PIP5K1B: variants seen among roughly 807,000 people sequenced by gnomAD.
PIP5K1B encodes phosphatidylinositol 4-phosphate 5-kinase type-1 beta.
Under a neutral mutation model 67.0 loss-of-function variants are expected in PIP5K1B, and 42 were observed. That is an observed-to-expected ratio of 0.63 (90% CI 0.49 to 0.81). PIP5K1B has a LOEUF of 0.81. Ranked by LOEUF, PIP5K1B falls within the 30% of genes least tolerant of loss-of-function variation. The pLI, the probability that PIP5K1B is intolerant of heterozygous loss-of-function variation, is 0.00. For missense variants in PIP5K1B, 459 were observed against 646.3 expected (o/e 0.71, Z 3.14); for synonymous variants, 214 against 231.4 (o/e 0.92, Z 0.68).
chr9:68,950,686 G>T (rs1292395564), intron 14 of PIP5K1B, among the ~76,000 whole-genome samples: 2 of 152,158 alleles, frequency 1.3e-5, no homozygotes, highest in African/African-American at 4.8e-5. Flanking sequence ...TGGGGGGTCT[G>T]CAAGAATCCC....
chr9:69,002,877 G>A (rs149646008), intron 15 of PIP5K1B, among the ~76,000 whole-genome samples: 95 of 152,318 alleles, frequency 6.2e-4, no homozygotes, highest in South Asian at 3.1e-3. Context: ...CAGCTACTTA[G>A]GAGGCTAAGG....
At chr9:68,735,316 CTTTTTT>C (rs558810934) in intron 1 of PIP5K1B, among the ~76,000 whole-genome samples, 12 of 29,802 alleles carry the variant, frequency 4.0e-4, no homozygotes, top group Admixed American at 1.1e-3. Flanking sequence ...CCCCTAGTGT[CTTTTTT>C]TTTTTTTTTT....
chr9:68,740,275 AG>A (rs1483275010), intron 1 of PIP5K1B, among the ~76,000 whole-genome samples: 1 of 152,236 alleles, frequency 6.6e-6, no homozygotes, highest in Non-Finnish European at 1.5e-5. Context: ...TATAAATAGA[AG>A]TACTTAAAGC....
chr9:68,956,961 G>A (rs953457107), intron 14 of PIP5K1B, among the ~76,000 whole-genome samples: 7 of 152,228 alleles, frequency 4.6e-5, no homozygotes, highest in Middle Eastern at 3.4e-3. Flanking sequence ...CACTGTGATT[G>A]TCATGACACA....
chr9:68,787,281 A>G (rs1164253902), intron 2 of PIP5K1B, among the ~76,000 whole-genome samples: 1 of 152,238 alleles, frequency 6.6e-6, no homozygotes, highest in Non-Finnish European at 1.5e-5. Context: ...AAGGCCAGCA[A>G]CAGGCAGTGT....
At chr9:68,919,096 A>G (rs1826241974) in intron 9 of PIP5K1B, among the ~76,000 whole-genome samples, 1 of 152,118 alleles carries the variant, frequency 6.6e-6, no homozygotes, top group African/African-American at 2.4e-5. Context: ...AACATACATT[A>G]CTCTTTTGAT....
intron 8 of PIP5K1B, among the ~76,000 whole-genome samples, chr9:68,907,266 T>C (rs1825660739): frequency 6.6e-6 from 1 of 152,178 alleles, no homozygotes; most frequent in Non-Finnish European, 1.5e-5. Context: ...CCTTGTCCCA[T>C]GTGGACACAC....
chr9:68,741,570 G>A (rs1455509094), intron 1 of PIP5K1B: 3 of 152,222 alleles, frequency 2.0e-5, no homozygotes, highest in Admixed American at 6.5e-5. Context: ...ACCAAACAGT[G>A]TCTCAAATCG....
At chr9:68,987,873 T>C (rs1374102227) in intron 14 of PIP5K1B, among the ~76,000 whole-genome samples, 1 of 152,168 alleles carries the variant, frequency 6.6e-6, no homozygotes, top group Non-Finnish European at 1.5e-5. Context: ...CATGATTTAA[T>C]TATCTCCCAC....
intron 4 of PIP5K1B, among the ~76,000 whole-genome samples, chr9:68,838,421 A>G (rs1199212785): frequency 6.6e-6 from 1 of 152,232 alleles, no homozygotes; most frequent in Non-Finnish European, 1.5e-5. Flanking sequence ...TTCTTTGTAC[A>G]CACAAGTTAT....
intron 4 of PIP5K1B, among the ~76,000 whole-genome samples, chr9:68,842,373 T>C (rs925709654): frequency 1.2e-4 from 18 of 152,246 alleles, no homozygotes; most frequent in African/African-American, 4.3e-4. Context: ...TACCCAAGGT[T>C]GTTTTTTAAA....
intron 4 of PIP5K1B, among the ~76,000 whole-genome samples, chr9:68,849,009 ACT>A (rs1822343658): frequency 6.6e-6 from 1 of 152,126 alleles, no homozygotes; most frequent in Admixed American, 6.6e-5. Context: ...CTTACACAGC[ACT>A]CTGTTGGTGA....
intron 7 of PIP5K1B, 140 bp downstream of exon 7, chr9:68,889,273 T>C: frequency 1.6e-6 from 1 of 637,162 alleles, no homozygotes; most frequent in Non-Finnish European, 2.7e-6. Context: ...AATTATGCTA[T>C]GACATTCATT....
chr9:68,913,233 C>T (rs781371281), intron 8 of PIP5K1B, among the ~76,000 whole-genome samples: 1 of 152,120 alleles, frequency 6.6e-6, no homozygotes, highest in Non-Finnish European at 1.5e-5. Context: ...AAGTAAAGTC[C>T]TGCCAGAGCT....
intron 4 of PIP5K1B, among the ~76,000 whole-genome samples, chr9:68,859,494 A>G (rs996366256): frequency 6.6e-6 from 1 of 152,168 alleles, no homozygotes; most frequent in Non-Finnish European, 1.5e-5. Context: ...TGAAACTTAA[A>G]CCTATATGTT....
chr9:68,724,247 T>G (rs1203708651), intron 1 of PIP5K1B, among the ~76,000 whole-genome samples: 7 of 151,832 alleles, frequency 4.6e-5, no homozygotes, highest in South Asian at 4.1e-4. Flanking sequence ...GTTTTTTTTT[T>G]TTTGTTTTTT....
chr9:68,710,962 G>A (rs189150367), intron 1 of PIP5K1B, among the ~76,000 whole-genome samples: 26 of 152,326 alleles, frequency 1.7e-4, no homozygotes, highest in African/African-American at 5.5e-4. Flanking sequence ...AAATGGGTGT[G>A]TATGTCTTTC....
At chr9:68,918,707 G>A (rs574292702) in intron 9 of PIP5K1B, among the ~76,000 whole-genome samples, 10 of 152,150 alleles carry the variant, frequency 6.6e-5, no homozygotes, top group Non-Finnish European at 1.2e-4. Flanking sequence ...ATTCTCCAAC[G>A]ATGACTAAAC....
At chr9:68,831,956 C>T (rs745467504) in intron 4 of PIP5K1B, among the ~76,000 whole-genome samples, 3 of 152,208 alleles carry the variant, frequency 2.0e-5, no homozygotes, top group Non-Finnish European at 4.4e-5. Flanking sequence ...AGATTACAGG[C>T]GTGAGCCACG....
Sources: gnomAD v4.1 joint callset for allele counts (sites outside exome capture counted in the v4.1 genomes callset) on GRCh38, gnomAD v4.1.1 for gene constraint, MANE v1.5 for transcripts, NCBI Gene and HGNC (gene_info 2026-07-23, HGNC 2026-07-21) for gene names.